The following QTMAN variants were observed in gnomAD, a reference collection of about 807,000 sequenced individuals.
QTMAN encodes the protein tRNA-queuosine alpha-mannosyltransferase.
the QTMAN span, among the ~76,000 whole-genome samples, chr2:144,251,925 C>G: frequency 6.6e-6 from 1 of 152,202 alleles, no homozygotes; most frequent in Admixed American, 6.6e-5. Context: ...GCCAGGTGCA[C>G]TGGCTCACAC....
the QTMAN span, among the ~76,000 whole-genome samples, chr2:143,978,158 A>G: frequency 6.6e-6 from 1 of 152,116 alleles, no homozygotes; most frequent in South Asian, 2.1e-4. Flanking sequence ...GTGCTCTCTA[A>G]TAAAACCAAT....
chr2:143,987,853 C>T, the QTMAN span, among the ~76,000 whole-genome samples: 2 of 152,206 alleles, frequency 1.3e-5, no homozygotes, highest in South Asian at 4.1e-4. Flanking sequence ...GGTTTTTTCT[C>T]AACACTCTTC....
the QTMAN span, among the ~76,000 whole-genome samples, chr2:144,124,822 T>G: frequency 2.6e-5 from 4 of 152,138 alleles, no homozygotes; most frequent in East Asian, 7.7e-4. Context: ...TGCTAGACAT[T>G]TTTGCATTGA....
chr2:144,237,760 C>T, the QTMAN span, among the ~76,000 whole-genome samples: 279 of 152,232 alleles, frequency 1.8e-3, no homozygotes, highest in Non-Finnish European at 2.8e-3. Flanking sequence ...TTGCTCATAC[C>T]AGGGTTGGTC....
At chr2:144,300,029 G>A in the QTMAN span, among the ~76,000 whole-genome samples, 1 of 152,230 alleles carries the variant, frequency 6.6e-6, no homozygotes, top group Non-Finnish European at 1.5e-5. Flanking sequence ...AATGGCAAAT[G>A]CCGTATGATT....
the QTMAN span, among the ~76,000 whole-genome samples, chr2:144,151,878 G>C: frequency 6.6e-6 from 1 of 152,050 alleles, no homozygotes; most frequent in Non-Finnish European, 1.5e-5. Context: ...ATCTTAATTG[G>C]ACCATTTCTA....
At chr2:144,306,732 TG>T in the QTMAN span, among the ~76,000 whole-genome samples, 1 of 152,144 alleles carries the variant, frequency 6.6e-6, no homozygotes, top group African/African-American at 2.4e-5. Flanking sequence ...AATCAAATTT[TG>T]CATAGTAAAA....
the QTMAN span, among the ~76,000 whole-genome samples, chr2:143,953,878 G>A: frequency 1.7e-4 from 26 of 151,868 alleles, no homozygotes; most frequent in South Asian, 5.4e-3. Flanking sequence ...TTACAGTGAC[G>A]AAGTACATGA....
chr2:144,216,485 AG>A, the QTMAN span, among the ~76,000 whole-genome samples: 9 of 152,190 alleles, frequency 5.9e-5, no homozygotes, highest in African/African-American at 2.2e-4. Context: ...CACTTAACAC[AG>A]GTTCTCAGCA....
chr2:144,210,632 C>T, the QTMAN span, among the ~76,000 whole-genome samples: 1 of 152,108 alleles, frequency 6.6e-6, no homozygotes, highest in African/African-American at 2.4e-5. Context: ...CCACTGGAGA[C>T]TTCTGCTCTA....
chr2:144,258,680 G>A, the QTMAN span, among the ~76,000 whole-genome samples: 2 of 151,934 alleles, frequency 1.3e-5, no homozygotes, highest in Non-Finnish European at 2.9e-5. Flanking sequence ...ATACACATAA[G>A]GACAGACATA....
chr2:144,080,797 T>C, the QTMAN span, among the ~76,000 whole-genome samples: 53 of 152,340 alleles, frequency 3.5e-4, no homozygotes, highest in South Asian at 6.2e-4. Context: ...TGAATATATA[T>C]GTGTGAAATT....
At chr2:144,308,291 C>T in the QTMAN span, among the ~76,000 whole-genome samples, 1 of 151,596 alleles carries the variant, frequency 6.6e-6, no homozygotes, top group Non-Finnish European at 1.5e-5. Flanking sequence ...CTCAGCCTCC[C>T]GAGTAGCTGG....
chr2:144,201,501 G>A, the QTMAN span, among the ~76,000 whole-genome samples: 5 of 152,290 alleles, frequency 3.3e-5, no homozygotes, highest in African/African-American at 4.8e-5. Flanking sequence ...AGGAAATCAC[G>A]GATGGCTTTC....
chr2:144,327,424 T>G, the QTMAN span, among the ~76,000 whole-genome samples: 73 of 152,092 alleles, frequency 4.8e-4, no homozygotes, highest in African/African-American at 1.7e-3. Context: ...GGCAGAAAAT[T>G]AAACACTTGA....
chr2:144,276,028 A>G, the QTMAN span, among the ~76,000 whole-genome samples: 1 of 152,148 alleles, frequency 6.6e-6, no homozygotes, highest in Non-Finnish European at 1.5e-5. Context: ...CTATAGTGAT[A>G]TGTAAAGACA....
the QTMAN span, among the ~76,000 whole-genome samples, chr2:144,063,136 C>T: frequency 6.6e-6 from 1 of 152,204 alleles, no homozygotes; most frequent in Non-Finnish European, 1.5e-5. Context: ...AAGAGGCCAT[C>T]TTGTCTAGCA....
chr2:144,064,793 T>G, the QTMAN span, among the ~76,000 whole-genome samples: 11 of 152,340 alleles, frequency 7.2e-5, no homozygotes, highest in East Asian at 1.9e-3. Flanking sequence ...TTTAAAATTC[T>G]ACCATGTTAC....
chr2:144,025,990 G>A, the QTMAN span, among the ~76,000 whole-genome samples: 1 of 151,408 alleles, frequency 6.6e-6, no homozygotes, highest in Non-Finnish European at 1.5e-5. Flanking sequence ...TTCTTCTTGT[G>A]GGTGACAACT....
Sources: allele counts gnomAD v4.1 joint callset (sites outside exome capture counted in the v4.1 genomes callset), GRCh38; gene constraint gnomAD v4.1.1; transcripts MANE v1.5; gene names NCBI Gene and HGNC (gene_info 2026-07-23, HGNC 2026-07-21).